Variants in ZNF83 observed in about 807,000 individuals in gnomAD.
ZNF83 encodes zinc finger protein 816B.
For synonymous variants in ZNF83, 209 were observed against 213.0 expected (o/e 0.98, Z 0.17); for missense variants, 552 against 629.9 (o/e 0.88, Z 1.32).
intron 1 of ZNF83, among the ~76,000 whole-genome samples, chr19:52,673,116 T>A (rs1045789071): frequency 2.6e-5 from 4 of 151,994 alleles, no homozygotes; most frequent in Non-Finnish European, 4.4e-5. Flanking sequence ...GACTGAGGCA[T>A]GAGAATCACT....
chr19:52,679,780 G>T (rs1290418957), intron 1 of ZNF83, among the ~76,000 whole-genome samples: 1 of 152,098 alleles, frequency 6.6e-6, no homozygotes, highest in Non-Finnish European at 1.5e-5. Flanking sequence ...TGTTCTTCAT[G>T]AATTTTCTGT....
intron 1 of ZNF83, chr19:52,636,770 C>G (rs1351694918): frequency 6.6e-6 from 1 of 152,006 alleles, no homozygotes; most frequent in African/African-American, 2.4e-5. Flanking sequence ...ATCCTTCTGC[C>G]TCGGCCTTCA....
chr19:52,644,634 G>C (rs1214687520), intron 3 of ZNF83, among the ~76,000 whole-genome samples: 1 of 152,104 alleles, frequency 6.6e-6, no homozygotes, highest in East Asian at 1.9e-4. Context: ...ATAAAATGCA[G>C]AAGTGTGAAC....
At chr19:52,613,133 T>A (rs762382645) in exon 3 of ZNF83, 1 of 1,614,120 alleles carries the variant, frequency 6.2e-7, no homozygotes, top group Admixed American at 1.7e-5. Context: ...CCAGTGTGGA[T>A]CGCATGATGA....
intron 2 of ZNF83, among the ~76,000 whole-genome samples, chr19:52,622,200 C>A (rs528117746): frequency 1.3e-5 from 2 of 152,246 alleles, no homozygotes; most frequent in African/African-American, 4.8e-5. Context: ...ACCTGCCCAA[C>A]AATTTCCTCT....
chr19:52,621,762 T>TCACC, intron 2 of ZNF83, among the ~76,000 whole-genome samples: 1 of 149,962 alleles, frequency 6.7e-6, no homozygotes, highest in African/African-American at 2.5e-5. Context: ...GCAACACTGT[T>TCACC]TGGCCCCAAT....
chr19:52,614,309 C>T (rs999137064), exon 3 of ZNF83: 7 of 1,613,622 alleles, frequency 4.3e-6, no homozygotes, highest in Non-Finnish European at 5.9e-6. Flanking sequence ...CCAATATTTG[C>T]TTTCTCTTTT....
At chr19:52,636,195 G>A (rs1208678936) in intron 1 of ZNF83, 1 of 151,634 alleles carries the variant, frequency 6.6e-6, no homozygotes, top group African/African-American at 2.4e-5. Context: ...CATCACTGTG[G>A]TCCCAGCTAC....
chr19:52,645,841 AAATG>A (rs1255121180), intron 3 of ZNF83, among the ~76,000 whole-genome samples: 1 of 151,908 alleles, frequency 6.6e-6, no homozygotes, highest in Non-Finnish European at 1.5e-5. Flanking sequence ...AAAAATAGAA[AAATG>A]AAGAGGAAAC....
At chr19:52,634,412 T>C (rs542070362) in intron 2 of ZNF83, among the ~76,000 whole-genome samples, 4 of 152,312 alleles carry the variant, frequency 2.6e-5, no homozygotes, top group East Asian at 3.9e-4. Context: ...AGAAGCCTCT[T>C]AACACCACAA....
intron 1 of ZNF83, among the ~76,000 whole-genome samples, chr19:52,678,449 C>CAAAAAAA (rs11387898): frequency 9.1e-6 from 1 of 109,702 alleles, no homozygotes; most frequent in Non-Finnish European, 1.8e-5. Context: ...GACTTCATCT[C>CAAAAAAA]AAAAAAAAAA....
At position 52,682,206 on chromosome 19, in the gene ZNF83, T is replaced by A. The variant is rs1009727411; in HGVS notation, c.-283+8237A>T. On this transcript the variant is annotated intron_variant, in intron 1 of 5. Coordinates refer to the ZNF83 transcript ENST00000594682. Reference sequence around the variant, plus strand: ...CAACAATGAAAAATACTTAAAATTATTAAAATTATAAAAAAAAAACTTATT... The same window carrying A: ...CAACAATGAAAAATACTTAAAATTAATAAAATTATAAAAAAAAAACTTATT... 4.0e-5 allele frequency among the ~76,000 whole-genome samples: 6 copies of A among 149,372 alleles called. No homozygotes were observed. The East Asian group carries it at 7.8e-4, about 19-fold the overall frequency.
exon 3 of ZNF83, chr19:52,614,222 G>A: frequency 6.2e-7 from 1 of 1,614,012 alleles, no homozygotes; most frequent in Non-Finnish European, 8.5e-7. Context: ...TCTTTAGTAT[G>A]GATTATTTGA....
At chr19:52,664,880 AC>A (rs2061628582) in intron 1 of ZNF83, among the ~76,000 whole-genome samples, 2 of 152,178 alleles carry the variant, frequency 1.3e-5, no homozygotes, top group Admixed American at 1.3e-4. Context: ...GGCGAAACCC[AC>A]CAGTGAGGCT....
At chr19:52,669,876 CTTCTTCTTATT>C (rs1326946733) in intron 1 of ZNF83, among the ~76,000 whole-genome samples, 2 of 151,632 alleles carry the variant, frequency 1.3e-5, no homozygotes, top group Non-Finnish European at 3.0e-5. Flanking sequence ...TCCAAAGAAG[CTTCTTCTTATT>C]TTGGAAAATC....
intron 3 of ZNF83, chr19:52,655,412 TGACA>T (rs2061492414): frequency 7.7e-6 from 6 of 776,790 alleles, no homozygotes; most frequent in Non-Finnish European, 1.3e-5. Flanking sequence ...AAGCTGTCTA[TGACA>T]GACAGGAGGA....
chr19:52,623,485 C>T (rs974577173), intron 2 of ZNF83, among the ~76,000 whole-genome samples: 7 of 152,122 alleles, frequency 4.6e-5, no homozygotes, highest in Admixed American at 4.6e-4. Flanking sequence ...TTAGTTATCC[C>T]CACCTGCCCA....
Position 52,618,859 on chromosome 19 carries a change from A to G in ZNF83, c.-233-4062T>C, listed in dbSNP as rs933279559. 48 of 1,518,314 alleles carry G rather than the reference A, an allele frequency of 3.2e-5. No individual in the cohort carries two copies. In the Middle Eastern group the frequency reaches 5.3e-4, roughly 17 times the overall value. 94.1% of individuals were successfully genotyped at this position (1,518,314 alleles called of 1,614,324 possible). A position where few individuals can be genotyped will look rare whatever the true frequency, so the allele number is the denominator to read the frequency against. ...TTCCATTTTAGTCAAGCAAGGATGC[A>G]ACTCCCAAGAGAAACAAGAGAAAAT... On this transcript the variant is annotated intron_variant, in intron 2 of 2. Coordinates refer to ENST00000301096, the Ensembl canonical transcript of ZNF83.
At chr19:52,685,897 C>CAA (rs3055370) in intron 1 of ZNF83, among the ~76,000 whole-genome samples, 21 of 132,532 alleles carry the variant, frequency 1.6e-4, no homozygotes, top group Middle Eastern at 3.9e-3. Context: ...GTAACTGTCA[C>CAA]AAAAAAAAAA....
Sources: gnomAD v4.1 joint callset for allele counts (sites outside exome capture counted in the v4.1 genomes callset) on GRCh38, gnomAD v4.1.1 for gene constraint, MANE v1.5 for transcripts, NCBI Gene and HGNC (gene_info 2026-07-23, HGNC 2026-07-21) for gene names.